The following ENDOG variants were observed in gnomAD, a reference collection of about 807,000 sequenced individuals.
ENDOG encodes the protein endonuclease G, mitochondrial.
A neutral mutation model predicts 22.6 loss-of-function variants in ENDOG; 22 were observed. The ratio of observed to expected loss-of-function variants is 0.97; its 90% CI spans 0.70 to 1.39. The LOEUF (loss-of-function observed/expected upper bound fraction) is 1.39. Ranked by LOEUF, ENDOG falls within the 40% of genes most tolerant of loss-of-function variation. The pLI, the probability that ENDOG is intolerant of heterozygous loss-of-function variation, is 0.00. For missense variants in ENDOG, 403 were observed against 431.3 expected (o/e 0.93, Z 0.58); for synonymous variants, 173 against 200.2 (o/e 0.86, Z 1.15).
rs920152319 is a variant in ENDOG, at chr9:128,818,818, T to C, written c.134T>C (p.Val45Ala). ...CTGGGCCGGCTGCCCGTGCTGCCCG[T>C]GGCGGCGGCAGCCGAGTTGCCCCCT... The part of the protein sequence containing the change: ...GLLGRLPVLP[V>A]AAAAELPPVP... Residue 45 changes from valine to alanine, a missense_variant, in exon 1 of 3, where the codon GTG becomes GCG. Transcript: ENST00000372642. 2.3e-6 allele frequency: 3 copies of C among 1,291,352 alleles called. No individual in the cohort carries two copies. Among genetic ancestry groups the C allele is most frequent in the Non-Finnish European group, 2.9e-6 (3 of 1,021,186 alleles). 80.0% of individuals were successfully genotyped at this position (1,291,352 alleles called of 1,614,324 possible). A position where few individuals can be genotyped will look rare whatever the true frequency, so the allele number is the denominator to read the frequency against.
chr9:128,822,067 C>T (rs970485761), intron 2 of ENDOG: 8 of 534,190 alleles, frequency 1.5e-5, no homozygotes, highest in African/African-American at 5.7e-5. Flanking sequence ...TCAGAAGGCT[C>T]GATTCTCCTA....
In ENDOG at chr9:128,818,879, C is replaced by G. The variant is rs1273894279; in HGVS notation, c.195C>G (p.Ala65=). ...PGGPRGPGEL[A]KYGLPGLAQL... is the part of the protein sequence containing the mutation. ...GACCCCGCGGCCCGGGCGAGCTGGC[C>G]AAGTACGGGCTGCCGGGGCTGGCGC... is the stretch of plus-strand genomic sequence containing the variant. Residue 65 remains alanine, a synonymous_variant, in exon 1 of 3, where the codon GCC becomes GCG. Transcript: ENST00000372642. 6.9e-7 allele frequency: 1 copy of G among 1,454,862 alleles called. No homozygotes were observed. Among genetic ancestry groups the G allele is most frequent in the Non-Finnish European group, 9.0e-7 (1 of 1,111,096 alleles). The allele number at this position is 1,454,862 out of a possible 1,614,324, so 90.1% of individuals were successfully genotyped here. A position where few individuals can be genotyped will look rare whatever the true frequency, so the allele number is the denominator to read the frequency against.
At position 128,819,272 on chromosome 9, in the gene ENDOG, G is replaced by A. The variant is rs1036401173; in HGVS notation, c.501+87G>A. ...TCGGTTTGTTCTTCTGCAGAACGGG[G>A]CAGCTGCCCAACGCGCCCCCGGTCA... On this transcript the variant is annotated intron_variant, in intron 1 of 2. Coordinates refer to ENST00000372642, the MANE Select transcript of ENDOG (RefSeq NM_004435.2). The A allele has an allele frequency of 1.4e-5, 19 of 1,377,778 alleles. No individual in the cohort carries two copies. In the East Asian group the frequency reaches 4.6e-4, roughly 33 times the overall value. The allele number at this position is 1,377,778 out of a possible 1,614,324, so 85.3% of individuals were successfully genotyped here.
Position 128,819,014 on chromosome 9 carries a change from G to A in ENDOG, c.330G>A (p.Arg110=). The A allele has an allele frequency of 1.3e-6, 2 of 1,486,852 alleles. No homozygotes were observed. The highest frequency in any genetic ancestry group is 8.9e-7 in the Non-Finnish European group (1 of 1,126,494). The allele number at this position is 1,486,852 out of a possible 1,614,324, so 92.1% of individuals were successfully genotyped here. A position where few individuals can be genotyped will look rare whatever the true frequency, so the allele number is the denominator to read the frequency against. The change falls in exon 1 of 3, where the codon CGG becomes CGA. Residue 110 remains arginine (R), a synonymous_variant. Coordinates refer to ENST00000372642, the MANE Select transcript of ENDOG (RefSeq NM_004435.2). ...RPERLRGDGD[R]RECDFREDDS... ...AGCGTCTCCGCGGCGACGGCGACCG[G>A]CGCGAGTGCGACTTCCGCGAGGACG...
chr9:128,821,096 G>C (rs541024286), intron 2 of ENDOG: 3 of 541,938 alleles, frequency 5.5e-6, no homozygotes, highest in Middle Eastern at 4.9e-4. Flanking sequence ...ATCTGCCCCC[G>C]CTTCTCCCTG....
chr9:128,819,626 C>CA, intron 1 of ENDOG: 1 of 175,040 alleles, frequency 5.7e-6, no homozygotes. Context: ...TGGGTGAGGG[C>CA]GGGTTTCAGG....
In ENDOG at chr9:128,821,199, C is replaced by G. The variant is rs137971010; in HGVS notation, c.611+351C>G. On this transcript the variant is annotated intron_variant, in intron 2 of 2. Coordinates refer to ENST00000372642, the MANE Select transcript of ENDOG (RefSeq NM_004435.2). ...GCACCAAGCTCTCCCACCTTCCCCCCGCAGGTCTGCAGTGCACCAAGCTCT... is the reference window on the plus strand; with the variant it reads ...GCACCAAGCTCTCCCACCTTCCCCCGGCAGGTCTGCAGTGCACCAAGCTCT... 1.5e-3 allele frequency: 449 copies of G among 305,136 alleles called. 3 individuals carry two copies. Among genetic ancestry groups the G allele is most frequent in the African/African-American group, 7.5e-3 (341 of 45,610 alleles). The allele number at this position is 305,136 out of a possible 1,614,324, so 18.9% of individuals were successfully genotyped here. A position where few individuals can be genotyped will look rare whatever the true frequency, so the allele number is the denominator to read the frequency against.
chr9:128,819,112 C>A lies in ENDOG; in HGVS notation c.428C>A (p.Ala143Asp). ...AGTGGCTTCGACCGCGGTCACCTGG[C>A]CGCCGCCGCCAACCACCGCTGGAGC... ...RGSGFDRGHL[A>D]AAANHRWSQK... The change falls in exon 1 of 3, where the codon GCC (alanine) becomes GAC (aspartate). Residue 143 changes from alanine (A) to aspartate (D), a missense_variant. Coordinates refer to ENST00000372642, the MANE Select transcript of ENDOG (RefSeq NM_004435.2). The A allele has an allele frequency of 6.6e-7, 1 of 1,519,010 alleles. No homozygotes were observed. Among genetic ancestry groups the A allele is most frequent in the Non-Finnish European group, 8.8e-7 (1 of 1,136,920 alleles). The allele number at this position is 1,519,010 out of a possible 1,614,324, so 94.1% of individuals were successfully genotyped here.
At position 128,820,730 on chromosome 9, in the gene ENDOG, T is replaced by G; in HGVS notation, c.502-9T>G. 1.2e-6 allele frequency: 2 copies of G among 1,603,786 alleles called. No homozygotes were observed. The highest frequency in any genetic ancestry group is 1.3e-5 in the African/African-American group (1 of 74,854). ...CCACAGTCCTGCTAAGCCCTATCTC[T>G]CCTACCAGGTGCCCCACCTCAACCA... On this transcript the variant is annotated splice_polypyrimidine_tract_variant and intron_variant, in intron 1 of 2. Coordinates refer to ENST00000372642, the MANE Select transcript of ENDOG (RefSeq NM_004435.2).
chr9:128,819,200 C>T lies in ENDOG; in HGVS notation c.501+15C>T. The stretch of plus-strand genomic sequence containing the variant: ...TCGCGCCCCAGGTAGCGCCCGCGCC[C>T]CGGGCCGGTCGCGGAATGCGGGGCC... On this transcript the variant is annotated intron_variant, in intron 1 of 2. Coordinates refer to ENST00000372642, the MANE Select transcript of ENDOG (RefSeq NM_004435.2). 2.1e-6 allele frequency: 3 copies of T among 1,452,498 alleles called. No individual in the cohort carries two copies. The highest frequency in any genetic ancestry group is 2.7e-6 in the Non-Finnish European group (3 of 1,110,008). The allele number at this position is 1,452,498 out of a possible 1,614,324, so 90.0% of individuals were successfully genotyped here. A position where few individuals can be genotyped will look rare whatever the true frequency, so the allele number is the denominator to read the frequency against.
chr9:128,822,232 CAGAAGTT>C, intron 2 of ENDOG, 89 bp from the exon 3 acceptor site: 1 of 1,461,920 alleles, frequency 6.8e-7, no homozygotes, highest in South Asian at 1.3e-5. Context: ...TGCAGGTTGA[CAGAAGTT>C]AGAGGACAGA....
intron 1 of ENDOG, 28 bp from the exon 2 acceptor site, chr9:128,820,711 T>G (rs780712031): frequency 2.3e-5 from 37 of 1,579,998 alleles, no homozygotes; most frequent in Non-Finnish European, 2.8e-5. Flanking sequence ...CCAGCCACAG[T>G]CCTGCTAAGC....
rs1398393474 is a variant in ENDOG, at chr9:128,822,485, G to T, written c.769G>T (p.Ala257Ser). Residue 257 changes from alanine (A) to serine (S), a missense_variant, in exon 3 of 3, where the codon GCC becomes TCC. By Grantham distance (99) the Ala-to-Ser change is moderately conservative. Transcript: ENST00000372642. ...GATGCCCAACGCACCTGTGGATGAG[G>T]CCATCCCACTGGAGCGCTTCCTGGT... is the stretch of plus-strand genomic sequence containing the variant. ...YVMPNAPVDEAIPLERFLVPI... is the reference protein window; with the variant it reads ...YVMPNAPVDESIPLERFLVPI... The T allele has an allele frequency of 6.4e-7, 1 of 1,566,708 alleles. No homozygotes were observed. Among genetic ancestry groups the T allele is most frequent in the South Asian group, 1.2e-5 (1 of 85,602 alleles).
chr9:128,820,576 T>G, intron 1 of ENDOG, 163 bp from the exon 2 acceptor site: 1 of 637,284 alleles, frequency 1.6e-6, no homozygotes, highest in South Asian at 1.9e-5. Flanking sequence ...CTATCAGCCC[T>G]GGGTTTCAGG....
chr9:128,822,158 G>A, intron 2 of ENDOG, 170 bp from the exon 3 acceptor site: 1 of 746,158 alleles, frequency 1.3e-6, no homozygotes, highest in South Asian at 1.9e-5. Flanking sequence ...CCACCCTGGA[G>A]AGAGTTCCAG....
intron 2 of ENDOG, chr9:128,822,025 C>G (rs959110319): frequency 2.4e-6 from 1 of 418,442 alleles, no homozygotes; most frequent in Non-Finnish European, 4.5e-6. Flanking sequence ...GATGGACAGT[C>G]GTTAAGTCTC....
rs1172447488 is a variant in ENDOG, at chr9:128,818,908, T to TC, written c.225dup (p.Lys76GlnfsTer108). The TC allele has an allele frequency of 1.4e-6, 2 of 1,475,688 alleles. No homozygotes were observed. Among genetic ancestry groups the TC allele is most frequent in the Non-Finnish European group, 1.8e-6 (2 of 1,121,882 alleles). The allele number at this position is 1,475,688 out of a possible 1,614,324, so 91.4% of individuals were successfully genotyped here. On this transcript the variant is annotated frameshift_variant, in exon 1 of 3. Transcript: ENST00000372642. LOFTEE classifies it high-confidence loss of function. ...TACGGGCTGCCGGGGCTGGCGCAGC[T>TC]CAAGAGCCGCGAGTCGTACGTGCTG...
Position 128,818,841 on chromosome 9 carries a change from CCT to C in ENDOG, c.158_159del (p.Pro53ArgfsTer130), listed in dbSNP as rs928795876. 3 of 1,358,360 alleles carry C rather than the reference CCT, an allele frequency of 2.2e-6. No homozygotes were observed. The highest frequency in any genetic ancestry group is 7.6e-5 in the Admixed American group (2 of 26,428). 84.1% of individuals were successfully genotyped at this position (1,358,360 alleles called of 1,614,324 possible). A position where few individuals can be genotyped will look rare whatever the true frequency, so the allele number is the denominator to read the frequency against. Reference protein sequence around the residue: ...LPVAAAAELPPVPGGPRGPGE... With the variant: ...LPVAAAAELPXVPGGPRGPGE... Reference sequence around the variant, plus strand: ...CGTGGCGGCGGCAGCCGAGTTGCCCCCTGTGCCCGGGGGACCCCGCGGCCCGG... The same window carrying C: ...CGTGGCGGCGGCAGCCGAGTTGCCCCGTGCCCGGGGGACCCCGCGGCCCGG... On this transcript the variant is annotated frameshift_variant, in exon 1 of 3. Coordinates refer to ENST00000372642, the MANE Select transcript of ENDOG (RefSeq NM_004435.2). LOFTEE classifies it high-confidence loss of function.
Position 128,820,850 on chromosome 9 carries a change from T to A in ENDOG, c.611+2T>A. 6.2e-7 allele frequency: 1 copy of A among 1,605,256 alleles called. No individual in the cohort carries two copies. Among genetic ancestry groups the A allele is most frequent in the Non-Finnish European group, 8.5e-7 (1 of 1,175,432 alleles). Reference sequence around the variant, plus strand: ...CACAGGGCCACTCTTCCTGCCCAGGTAAGGTGGAAACCAGGGGGGCGGCAG... The same window carrying A: ...CACAGGGCCACTCTTCCTGCCCAGGAAAGGTGGAAACCAGGGGGGCGGCAG... On this transcript the variant is annotated splice_donor_variant, in intron 2 of 2. Coordinates refer to ENST00000372642, the MANE Select transcript of ENDOG (RefSeq NM_004435.2). LOFTEE classifies it high-confidence loss of function.
Sources: allele counts gnomAD v4.1 joint callset, GRCh38; gene constraint gnomAD v4.1.1; transcripts MANE v1.5; gene names NCBI Gene and HGNC (gene_info 2026-07-23, HGNC 2026-07-21).